SKAP1: variants seen among roughly 807,000 people sequenced by gnomAD.
SKAP1 encodes src kinase associated phosphoprotein 1, also known as src kinase-associated phosphoprotein 1.
SKAP1 carries 44 observed loss-of-function variants against 58.5 expected under a neutral mutation model. The observed-to-expected ratio is 0.75, with a 90% CI of 0.59 to 0.97. SKAP1 has a LOEUF of 0.97. Among genes scored for constraint, SKAP1 ranks in the 50% least tolerant of loss-of-function variants. SKAP1 has a pLI of 0.00. For missense variants in SKAP1, 390 were observed against 435.2 expected (o/e 0.90, Z 0.92); for synonymous variants, 127 against 149.7 (o/e 0.85, Z 1.11).
rs115624075 is a variant in SKAP1 at position 48,221,644 on chromosome 17, C to T, written c.281-32144G>A. On this transcript the variant is annotated intron_variant, in intron 4 of 12. Transcript: ENST00000336915. ...AGGTTACTAACCAGCTAATTCTGTT[C>T]GTGCCGCAAGAGAAATTGACTTAAA... is the stretch of plus-strand genomic sequence containing the variant. Among the ~76,000 whole-genome samples, 1,105 of 152,284 alleles carry T rather than the reference C, an allele frequency of 7.3e-3. 16 individuals carry two copies. The highest frequency in any genetic ancestry group is 0.026 in the African/African-American group (1,063 of 41,548).
chr17:48,443,445 TGC>T, the SKAP1 span, among the ~76,000 whole-genome samples: 1 of 146,786 alleles, frequency 6.8e-6, no homozygotes, highest in South Asian at 2.2e-4. Context: ...ACTGAGTGAG[TGC>T]TACAAGGTAA....
chr17:48,199,986 G>A (rs557852012), intron 4 of SKAP1, among the ~76,000 whole-genome samples: 3 of 152,030 alleles, frequency 2.0e-5, no homozygotes, highest in Admixed American at 2.0e-4. Flanking sequence ...GGTAAGAAGA[G>A]TAAGAATTAG....
intron 4 of SKAP1, chr17:48,203,539 T>C (rs1434858373): frequency 6.6e-6 from 1 of 152,256 alleles, no homozygotes; most frequent in Non-Finnish European, 1.5e-5. Context: ...GAGGATGGCA[T>C]ATTGGATGCC....
intron 4 of SKAP1, chr17:48,308,204 T>G (rs1483044326): frequency 1.3e-5 from 2 of 152,198 alleles, no homozygotes; most frequent in East Asian, 3.8e-4. Flanking sequence ...GAAAAATACC[T>G]TTGTATTTGC....
At chr17:48,356,257 C>G (rs2144367712) in intron 3 of SKAP1, among the ~76,000 whole-genome samples, 1 of 151,818 alleles carries the variant, frequency 6.6e-6, no homozygotes, top group South Asian at 2.1e-4. Context: ...GATTCTGTCT[C>G]AAAAACTAAA....
At chr17:48,425,526 C>T (rs7218217) in intron 1 of SKAP1, among the ~76,000 whole-genome samples, 31,854 of 152,100 alleles carry the variant, frequency 0.21, 3,375 homozygotes, top group Admixed American at 0.22. Flanking sequence ...AGTTATATCT[C>T]ACTTTTCAGA....
At chr17:48,366,181 C>A (rs373168575) in intron 2 of SKAP1, among the ~76,000 whole-genome samples, 1 of 152,082 alleles carries the variant, frequency 6.6e-6, no homozygotes, top group Non-Finnish European at 1.5e-5. Context: ...TTGGTTATTT[C>A]TTTAGTGTGT....
intron 4 of SKAP1, among the ~76,000 whole-genome samples, chr17:48,329,177 G>A (rs1005442716): frequency 6.6e-6 from 1 of 152,120 alleles, no homozygotes; most frequent in Non-Finnish European, 1.5e-5. Context: ...CTACAATAGT[G>A]GAAGACAATG....
intron 4 of SKAP1, among the ~76,000 whole-genome samples, chr17:48,241,414 A>G (rs2065242249): frequency 6.6e-6 from 1 of 152,190 alleles, no homozygotes; most frequent in African/African-American, 2.4e-5. Context: ...AATTATGAAA[A>G]TTAGATCTTT....
Position 48,251,642 on chromosome 17 carries a change from T to C in SKAP1, c.281-62142A>G, listed in dbSNP as rs181962029. Reference sequence around the variant, plus strand: ...AACATTTGGTTGGGATTTTCTTTGTTTTCCACCATAATAGCTTTCAAAGGC... The same window carrying C: ...AACATTTGGTTGGGATTTTCTTTGTCTTCCACCATAATAGCTTTCAAAGGC... On this transcript the variant is annotated intron_variant, in intron 4 of 12. Transcript: ENST00000336915. Among the ~76,000 whole-genome samples the C allele has an allele frequency of 2.0e-5, 3 of 152,328 alleles. No individual in the cohort carries two copies. In the East Asian group the frequency reaches 5.8e-4, roughly 29 times the overall value.
At chr17:48,311,517 G>C (rs963199100) in intron 4 of SKAP1, among the ~76,000 whole-genome samples, 6 of 152,176 alleles carry the variant, frequency 3.9e-5, no homozygotes, top group Non-Finnish European at 8.8e-5. Flanking sequence ...AGCAGCAAGG[G>C]ATGTTGTAAA....
chr17:48,299,381 A>G (rs1041219218), intron 4 of SKAP1, among the ~76,000 whole-genome samples: 1 of 152,206 alleles, frequency 6.6e-6, no homozygotes, highest in Non-Finnish European at 1.5e-5. Context: ...TCTTGGATCT[A>G]TCTGGTATAG....
At chr17:48,298,467 T>C (rs1843065346) in intron 4 of SKAP1, among the ~76,000 whole-genome samples, 1 of 152,188 alleles carries the variant, frequency 6.6e-6, no homozygotes, top group African/African-American at 2.4e-5. Flanking sequence ...GTTTCAGATT[T>C]TGAGATACTG....
At chr17:48,433,073 A>C (rs570519151), upstream of SKAP1, among the ~76,000 whole-genome samples, 23 of 152,330 alleles carry the variant, frequency 1.5e-4, no homozygotes, top group Non-Finnish European at 2.4e-4. Context: ...GCAGACAGAA[A>C]TCTGCCTCCA....
At chr17:48,410,934 CAAAA>C (rs61705374) in intron 1 of SKAP1, among the ~76,000 whole-genome samples, 3 of 66,972 alleles carry the variant, frequency 4.5e-5, no homozygotes, top group Non-Finnish European at 5.6e-5. Flanking sequence ...GACTCCATTT[CAAAA>C]AAAAAAAAAA....
At chr17:48,303,049 C>T (rs1249774426) in intron 4 of SKAP1, among the ~76,000 whole-genome samples, 1 of 151,970 alleles carries the variant, frequency 6.6e-6, no homozygotes, top group East Asian at 1.9e-4. Flanking sequence ...CAATGAAATG[C>T]TACAAAAATA....
chr17:48,385,620 G>GCTTC (rs1388749369), intron 2 of SKAP1, among the ~76,000 whole-genome samples: 1 of 152,174 alleles, frequency 6.6e-6, no homozygotes, highest in African/African-American at 2.4e-5. Flanking sequence ...TAAAAGGGGA[G>GCTTC]AGGTCTGAAG....
intron 4 of SKAP1, among the ~76,000 whole-genome samples, chr17:48,248,525 C>T (rs1268485616): frequency 6.6e-6 from 1 of 152,134 alleles, no homozygotes; most frequent in Non-Finnish European, 1.5e-5. Flanking sequence ...AGAGATTGCG[C>T]CGCTGCACTC....
intron 9 of SKAP1, 39 bp from the exon 10 acceptor site, chr17:48,170,698 C>T: frequency 6.8e-7 from 1 of 1,469,096 alleles, no homozygotes; most frequent in Non-Finnish European, 9.4e-7. Flanking sequence ...ATTAGTGGTT[C>T]ACAGTCTCAT....
Sources: gnomAD v4.1 joint callset for allele counts (sites outside exome capture counted in the v4.1 genomes callset) on GRCh38, gnomAD v4.1.1 for gene constraint, MANE v1.5 for transcripts, NCBI Gene and HGNC (gene_info 2026-07-23, HGNC 2026-07-21) for gene names.